The following WDR11 variants were observed in gnomAD, a reference collection of about 807,000 sequenced individuals.
WDR11 encodes the protein WD repeat domain 11.
A neutral mutation model predicts 151.2 loss-of-function variants in WDR11; 83 were observed. The observed-to-expected ratio is 0.55, with a 90% CI of 0.46 to 0.66. The LOEUF (loss-of-function observed/expected upper bound fraction) is 0.66, where lower values mean the gene tolerates loss of function less well. Among genes scored for constraint, WDR11 ranks in the 30% least tolerant of loss-of-function variants. The pLI is 0.00. For synonymous variants in WDR11, 484 were observed against 533.1 expected, an observed-to-expected ratio of 0.91 and a Z score of 1.27; for missense variants, 1,301 against 1,480.9, an observed-to-expected ratio of 0.88 and a Z score of 1.99.
At chr10:120,863,638 A>G (rs913791095) in intron 5 of WDR11, among the ~76,000 whole-genome samples, 1 of 152,158 alleles carries the variant, frequency 6.6e-6, no homozygotes, top group African/African-American at 2.4e-5. Flanking sequence ...TCTTTTTCCT[A>G]TAGCAATAAT....
At position 120,851,495 on chromosome 10, in the gene WDR11, G is replaced by T; in HGVS notation, c.75G>T (p.Ala25=). The stretch of plus-strand genomic sequence containing the variant: ...GGGCCCTCAACGCCCACAACAAGGC[G>T]GCGGTGGACTGGTGAGGACGCCGAG... ...LTGALNAHNK[A]AVDWGWQGLI... Residue 25 remains alanine (A), a synonymous_variant, in exon 1 of 29, where the codon GCG becomes GCT. Coordinates refer to ENST00000263461, the MANE Select transcript of WDR11 (RefSeq NM_018117.12). 1 of 1,611,450 alleles carries T rather than the reference G, an allele frequency of 6.2e-7. No homozygotes were observed. Among genetic ancestry groups the T allele is most frequent in the Non-Finnish European group, 8.5e-7 (1 of 1,179,512 alleles).
intron 9 of WDR11, among the ~76,000 whole-genome samples, chr10:120,867,976 A>T (rs924495469): frequency 2.6e-5 from 4 of 152,220 alleles, no homozygotes; most frequent in Non-Finnish European, 5.9e-5. Flanking sequence ...ATTTTATGCT[A>T]CTTGAAATTA....
At position 120,900,051 on chromosome 10, in the gene WDR11, C is replaced by T; in HGVS notation, c.2538C>T (p.Leu846=). 1 of 1,614,004 alleles carries T rather than the reference C, an allele frequency of 6.2e-7. No homozygotes were observed. The highest frequency in any genetic ancestry group is 1.1e-5 in the South Asian group (1 of 91,084). The change falls in exon 20 of 29, where the codon CTC becomes CTT. Residue 846 remains leucine, a synonymous_variant. Coordinates refer to ENST00000263461, the MANE Select transcript of WDR11 (RefSeq NM_018117.12). The part of the protein sequence containing the change: ...ELTEPVWCPY[L]LVPRASLALK... ...TAGAGCCTGTGTGGTGCCCCTATCT[C>T]CTTGTTCCAAGGGCCTCTCTTGCCT...
chr10:120,880,940 C>G, intron 13 of WDR11, 39 bp downstream of exon 13: 1 of 1,534,106 alleles, frequency 6.5e-7, no homozygotes, highest in Non-Finnish European at 8.9e-7. Context: ...GGTGTTATCA[C>G]AATGAAATCT....
rs1171481665 is a variant in WDR11 at position 120,909,245 on chromosome 10, T to C, written c.*532T>C. ...TTGAAAACACAGAACCGTTAATTCC[T>C]TGGTTTAAGCAGTTGCTAAGTTTTG... On this transcript the variant is annotated 3_prime_UTR_variant, in exon 29 of 29. Transcript: ENST00000263461. 1 of 158,350 alleles carries C rather than the reference T, an allele frequency of 6.3e-6. No individual in the cohort carries two copies. Among genetic ancestry groups the C allele is most frequent in the East Asian group, 1.8e-4 (1 of 5,426 alleles). The allele number at this position is 158,350 out of a possible 1,614,324, so 9.8% of individuals were successfully genotyped here.
intron 19 of WDR11, among the ~76,000 whole-genome samples, chr10:120,893,334 T>G (rs992236090): frequency 2.0e-5 from 3 of 152,110 alleles, no homozygotes; most frequent in Non-Finnish European, 2.9e-5. Context: ...TCCCTACAAA[T>G]GACATGAACT....
chr10:120,901,490 G>A (rs1344945887), intron 21 of WDR11, among the ~76,000 whole-genome samples: 1 of 152,182 alleles, frequency 6.6e-6, no homozygotes, highest in East Asian at 1.9e-4. Context: ...TGAGTTCTCT[G>A]TGTCAGGTGC....
At chr10:120,870,505 A>G (rs1289822716) in intron 9 of WDR11, among the ~76,000 whole-genome samples, 1 of 152,158 alleles carries the variant, frequency 6.6e-6, no homozygotes, top group Non-Finnish European at 1.5e-5. Context: ...TTTTAGTTTG[A>G]GACTTGCTAA....
chr10:120,889,847 C>T (rs1442293837), intron 17 of WDR11, 48 bp from the exon 18 acceptor site: 2 of 1,284,732 alleles, frequency 1.6e-6, no homozygotes, highest in Admixed American at 1.7e-5. Context: ...TTCTGGTGAC[C>T]AGATCTCACT....
intron 4 of WDR11, 144 bp from the exon 5 acceptor site, chr10:120,862,591 A>G (rs1422742893): frequency 2.0e-5 from 17 of 846,672 alleles, no homozygotes; most frequent in South Asian, 3.1e-5. Context: ...CTTAGAGAAC[A>G]TTCCCATTAT....
Position 120,903,178 on chromosome 10 carries a change from G to T in WDR11, c.2877G>T (p.Leu959=). ...APKEAAPRDK[L]SNPLDICYDV... is the part of the protein sequence containing the mutation. Reference sequence around the variant, plus strand: ...AAGAAGCTGCTCCTCGAGACAAACTGAGCAACCCACTGGATATATGCTATG... The same window carrying T: ...AAGAAGCTGCTCCTCGAGACAAACTTAGCAACCCACTGGATATATGCTATG... The change falls in exon 23 of 29, where the codon CTG becomes CTT. Residue 959 remains leucine (L), a synonymous_variant. Transcript: ENST00000263461. 6.2e-7 allele frequency: 1 copy of T among 1,614,160 alleles called. No homozygotes were observed. Among genetic ancestry groups the T allele is most frequent in the Non-Finnish European group, 8.5e-7 (1 of 1,180,028 alleles).
At chr10:120,876,009 G>A (rs184705111) in intron 11 of WDR11, among the ~76,000 whole-genome samples, 1,438 of 112,808 alleles carry the variant, frequency 0.013, 21 homozygotes, top group Middle Eastern at 0.041. Context: ...TTGGAGTTTC[G>A]CTCTTGTTGC....
chr10:120,869,105 G>GTTTTTTTTTTTTTTTTTTTT (rs1491035622), intron 9 of WDR11, among the ~76,000 whole-genome samples: 1 of 71,634 alleles, frequency 1.4e-5, no homozygotes. Context: ...ATAAATTACA[G>GTTTTTTTTTTTTTTTTTTTT]GTTTTTTTTT....
intron 13 of WDR11, 133 bp downstream of exon 13, chr10:120,881,034 CAGCCCAA>C: frequency 1.3e-6 from 1 of 741,450 alleles, no homozygotes; most frequent in Non-Finnish European, 2.3e-6. Flanking sequence ...TGGTGATATG[CAGCCCAA>C]AGAAAATATT....
intron 11 of WDR11, 53 bp from the exon 12 acceptor site, chr10:120,878,300 C>CT: frequency 7.2e-7 from 1 of 1,389,306 alleles, no homozygotes; most frequent in Non-Finnish European, 1.0e-6. Context: ...ATAAATGAAC[C>CT]TTTCAAATAA....
chr10:120,867,041 C>T (rs962184431), intron 8 of WDR11, 25 bp from the exon 9 acceptor site: 9 of 1,571,428 alleles, frequency 5.7e-6, no homozygotes, highest in Non-Finnish European at 7.9e-6. Context: ...GTATGTAAAA[C>T]CTTCTAATTA....
rs1193854520 is a variant in WDR11 at position 120,862,726 on chromosome 10, T to G, written c.527-9T>G. The G allele has an allele frequency of 6.2e-7, 1 of 1,614,104 alleles. No homozygotes were observed. Among genetic ancestry groups the G allele is most frequent in the Non-Finnish European group, 8.5e-7 (1 of 1,179,982 alleles). ...AACTTTAATCAGAGTTTTGCTTTTC[T>G]CAATATAGTGCTTACCAGCGAGGGT... On this transcript the variant is annotated splice_polypyrimidine_tract_variant and intron_variant, in intron 4 of 28. Transcript: ENST00000263461.
At chr10:120,906,112 T>A (rs1476226616) in intron 27 of WDR11, 91 bp downstream of exon 27, 1 of 1,607,598 alleles carries the variant, frequency 6.2e-7, no homozygotes. Context: ...TGGTACTCGA[T>A]GTGTAAAGTG....
intron 21 of WDR11, among the ~76,000 whole-genome samples, chr10:120,901,714 T>A (rs915266272): frequency 6.6e-6 from 1 of 152,236 alleles, no homozygotes; most frequent in Non-Finnish European, 1.5e-5. Flanking sequence ...TTCAAAATAA[T>A]TAGTTTTTTC....
Sources: allele counts gnomAD v4.1 joint callset (sites outside exome capture counted in the v4.1 genomes callset), GRCh38; gene constraint gnomAD v4.1.1; transcripts MANE v1.5; gene names NCBI Gene and HGNC (gene_info 2026-07-23, HGNC 2026-07-21).